The following SLC30A2 variants were observed in gnomAD, a reference collection of about 807,000 sequenced individuals.
SLC30A2 encodes solute carrier family 30 member 2.
SLC30A2 carries 19 observed loss-of-function variants against 39.6 expected under a neutral mutation model. The observed-to-expected ratio is 0.48, with a 90% CI of 0.34 to 0.70. The LOEUF (loss-of-function observed/expected upper bound fraction) is 0.70. Ranked by LOEUF, SLC30A2 falls within the 30% of genes least tolerant of loss-of-function variation. The pLI, the probability that SLC30A2 is intolerant of heterozygous loss-of-function variation, is 0.01. For missense variants in SLC30A2, 387 were observed against 479.4 expected (o/e 0.81, Z 1.80); for synonymous variants, 195 against 194.8 (o/e 1.00, Z -0.01).
At chr1:26,043,637 C>T in intron 3 of SLC30A2, 86 bp from the exon 4 acceptor site, 1 of 1,388,944 alleles carries the variant, frequency 7.2e-7, no homozygotes, top group Middle Eastern at 1.8e-4. Flanking sequence ...TCCTCCCCAC[C>T]CACCTCCCAC....
chr1:26,041,208 C>T (rs990199953), intron 6 of SLC30A2, among the ~76,000 whole-genome samples: 1 of 152,202 alleles, frequency 6.6e-6, no homozygotes, highest in Non-Finnish European at 1.5e-5. Flanking sequence ...CAGGGTGTGG[C>T]ATTGTTTGGT....
At chr1:26,043,112 C>G (rs1306727607) in intron 4 of SLC30A2, among the ~76,000 whole-genome samples, 2 of 152,232 alleles carry the variant, frequency 1.3e-5, no homozygotes, top group Non-Finnish European at 2.9e-5. Context: ...CAACTGGCCT[C>G]TTCCCGCCCC....
chr1:26,044,532 AG>A, intron 2 of SLC30A2, 88 bp from the exon 3 acceptor site: 1 of 1,318,402 alleles, frequency 7.6e-7, no homozygotes, highest in African/African-American at 1.4e-5. Flanking sequence ...GCTCTGGAAG[AG>A]GACATTCTGG....
chr1:26,039,757 TGA>T lies in SLC30A2; in HGVS notation c.973+18_973+19del, dbSNP rs1553143329. On this transcript the variant is annotated intron_variant, in intron 7 of 7. Coordinates refer to ENST00000374276, the MANE Select transcript of SLC30A2 (RefSeq NM_001004434.3). This position sits in a 1 kb window ranked among gnomAD's most constrained non-coding sequence, Gnocchi z 4.3. ...TGGCTGCCTGTCTCCCACCCCACCC[TGA>T]GTGTCCCAAGCACTCACCAATGGCG... 1 of 1,609,872 alleles carries T rather than the reference TGA, an allele frequency of 6.2e-7. No homozygotes were observed. The highest frequency in any genetic ancestry group is 8.5e-7 in the Non-Finnish European group (1 of 1,177,112).
intron 6 of SLC30A2, among the ~76,000 whole-genome samples, chr1:26,040,163 A>G (rs1338248767): frequency 6.6e-6 from 1 of 152,208 alleles, no homozygotes; most frequent in African/African-American, 2.4e-5. Flanking sequence ...TGGACACTCC[A>G]TGAGGGCAGG....
chr1:26,045,311 T>A, intron 1 of SLC30A2, 94 bp from the exon 2 acceptor site: 1 of 1,016,648 alleles, frequency 9.8e-7, no homozygotes, highest in Non-Finnish European at 1.5e-6. Flanking sequence ...TTGTGTCCAC[T>A]GGGAAAAATA....
chr1:26,045,885 C>A lies in SLC30A2; in HGVS notation c.12G>T (p.Lys4Asn), dbSNP rs1020201894. 10 of 1,612,684 alleles carry A rather than the reference C, an allele frequency of 6.2e-6. No individual in the cohort carries two copies. In the African/African-American group the frequency reaches 1.1e-4, roughly 17 times the overall value. The change falls in exon 1 of 8, where the codon AAG becomes AAT. Residue 4 changes from lysine (K) to asparagine (N), a missense_variant. Coordinates refer to ENST00000374276, the MANE Select transcript of SLC30A2 (RefSeq NM_001004434.3). ...TGGCGTCCAACAGATGCTGCTTCTC[C>A]TTGGCCTCCATGCAGTCCCGCGCCG... MEA[K>N]EKQHLLDARP... is the part of the protein sequence containing the mutation.
intron 3 of SLC30A2, 48 bp downstream of exon 3, chr1:26,044,250 A>G: frequency 6.2e-7 from 1 of 1,604,128 alleles, no homozygotes. Context: ...CCCTGTTCTA[A>G]CCCACCCTCT....
chr1:26,038,988 AGTC>A lies in SLC30A2; in HGVS notation c.*169_*171del. ...CCCGCTGAGTCCCCACCCTGGCTGT[AGTC>A]AGATGGGAGGCTGGGAAGAGCTCCA... is the stretch of plus-strand genomic sequence containing the variant. On this transcript the variant is annotated 3_prime_UTR_variant, in exon 8 of 8. Transcript: ENST00000374276. 2 of 1,397,018 alleles carry A rather than the reference AGTC, an allele frequency of 1.4e-6. No individual in the cohort carries two copies. The highest frequency in any genetic ancestry group is 1.9e-6 in the Non-Finnish European group (2 of 1,073,454). The allele number at this position is 1,397,018 out of a possible 1,614,324, so 86.5% of individuals were successfully genotyped here.
At chr1:26,044,173 C>T (rs2124425682) in intron 3 of SLC30A2, 125 bp downstream of exon 3, 3 of 995,588 alleles carry the variant, frequency 3.0e-6, no homozygotes, top group African/African-American at 3.2e-5. Context: ...TTCCCCCATC[C>T]AGATCACCCT....
In SLC30A2 at chr1:26,045,933, C is replaced by T. The variant is rs752360542; in HGVS notation, c.-37G>A. 5 of 1,604,690 alleles carry T rather than the reference C, an allele frequency of 3.1e-6. No individual in the cohort carries two copies. The South Asian group carries it at 3.3e-5, about 11-fold the overall frequency. On this transcript the variant is annotated 5_prime_UTR_variant, in exon 1 of 8. Coordinates refer to ENST00000374276, the MANE Select transcript of SLC30A2 (RefSeq NM_001004434.3). ...CCGAGTCCCGGCAGCCGCGCAGCCG[C>T]CCCGCCGAGTGCGCCCTGAAAGTTG...
At chr1:26,041,038 G>T (rs1044071297) in intron 6 of SLC30A2, among the ~76,000 whole-genome samples, 1 of 151,906 alleles carries the variant, frequency 6.6e-6, no homozygotes, top group Admixed American at 6.6e-5. Context: ...TCAAGGCTGC[G>T]GTGAGCCTTG....
chr1:26,040,916 A>ACGC (rs1491341443), intron 6 of SLC30A2, among the ~76,000 whole-genome samples: 8 of 146,448 alleles, frequency 5.5e-5, no homozygotes, highest in Non-Finnish European at 1.2e-4. Flanking sequence ...ACATAGTGAG[A>ACGC]CCCCCCCCCC....
chr1:26,039,992 C>G lies in SLC30A2; in HGVS notation c.839-81G>C. On this transcript the variant is annotated intron_variant, in intron 6 of 7. Coordinates refer to ENST00000374276, the MANE Select transcript of SLC30A2 (RefSeq NM_001004434.3). The surrounding 1 kb of genome is among the most constrained non-coding windows in gnomAD (Gnocchi z 4.3). ...CATTGGTGCAGGGCTGGCTCCTGAT[C>G]CTCAGGTGTCATCCCCTCAAAGAAG... 1.3e-6 allele frequency: 2 copies of G among 1,516,460 alleles called. No homozygotes were observed. The highest frequency in any genetic ancestry group is 1.8e-6 in the Non-Finnish European group (2 of 1,102,000). 93.9% of individuals were successfully genotyped at this position (1,516,460 alleles called of 1,614,324 possible).
At position 26,043,495 on chromosome 1, in the gene SLC30A2, C is replaced by G; in HGVS notation, c.475G>C (p.Val159Leu). ...ATCAGCCGCTCCACAGCCAGGTACA[C>G]CAGTACCCCCGTCACGACCCAGATG... is the stretch of plus-strand genomic sequence containing the variant. ...LSIWVVTGVL[V>L]YLAVERLISG... is the part of the protein sequence containing the mutation. Residue 159 changes from valine (V) to leucine (L), a missense_variant, in exon 4 of 8, where the codon GTG becomes CTG. By Grantham distance (32) the Val-to-Leu change is conservative. Transcript: ENST00000374276. 6.2e-7 allele frequency: 1 copy of G among 1,614,026 alleles called. No individual in the cohort carries two copies.
In SLC30A2 at chr1:26,045,070, C is replaced by G; in HGVS notation, c.198G>C (p.Lys66Asn). 1 of 1,614,230 alleles carries G rather than the reference C, an allele frequency of 6.2e-7. No homozygotes were observed. The highest frequency in any genetic ancestry group is 8.5e-7 in the Non-Finnish European group (1 of 1,180,048). ...ACAGCTGGCGCTGGGCCTTCCCCTT[C>G]TTGGGGTCACAGTGACTGTCAGGAC... ...QKGPDSHCDP[K>N]KGKAQRQLYV... Residue 66 changes from lysine (K) to asparagine (N), a missense_variant, in exon 2 of 8, where the codon AAG becomes AAC. Physicochemically the swap from Lys to Asn is moderately conservative, Grantham distance 94 (BLOSUM62 0). Coordinates refer to ENST00000374276, the MANE Select transcript of SLC30A2 (RefSeq NM_001004434.3).
Position 26,045,152 on chromosome 1 carries a change from T to C in SLC30A2, c.116A>G (p.Asp39Gly). ...GWIPLPRPGL[D>G]LQAIELAAQS... The stretch of plus-strand genomic sequence containing the variant: ...GGCAGCCAGCTCAATGGCCTGCAAG[T>C]CCAGGCCAGGTCGGGGCAGAGGAAT... The change falls in exon 2 of 8, where the codon GAC becomes GGC. Residue 39 changes from aspartate to glycine, a missense_variant. Asp to Gly is a moderately conservative substitution (Grantham distance 94). Transcript: ENST00000374276. 3 of 1,613,642 alleles carry C rather than the reference T, an allele frequency of 1.9e-6. No individual in the cohort carries two copies. The highest frequency in any genetic ancestry group is 2.7e-5 in the African/African-American group (2 of 75,024).
At chr1:26,041,494 G>A (rs1369265000) in intron 6 of SLC30A2, among the ~76,000 whole-genome samples, 2 of 152,128 alleles carry the variant, frequency 1.3e-5, no homozygotes, top group Non-Finnish European at 2.9e-5. Flanking sequence ...GCTGGGGGAC[G>A]GTTCCAGGAA....
At chr1:26,045,586 G>T in intron 1 of SLC30A2, 1 of 646,492 alleles carries the variant, frequency 1.5e-6, no homozygotes, top group Non-Finnish European at 2.6e-6. Context: ...AGTGCTGGGC[G>T]GGGCGGGACT....
Sources: gnomAD v4.1 joint callset for allele counts (sites outside exome capture counted in the v4.1 genomes callset) on GRCh38, gnomAD v4.1.1 for gene constraint, Gnocchi (gnomAD v3.1) non-coding constraint, MANE v1.5 for transcripts, NCBI Gene and HGNC (gene_info 2026-07-23, HGNC 2026-07-21) for gene names.